Variants in CDH4 observed in about 807,000 individuals in gnomAD.
CDH4 encodes the protein cadherin-4.
In CDH4, 33 loss-of-function variants were observed where a neutral mutation model predicts 86.0. That is an observed-to-expected ratio of 0.38 (90% confidence interval 0.29 to 0.51). CDH4 has a LOEUF of 0.51. Among genes scored for constraint, CDH4 ranks in the 20% least tolerant of loss-of-function variants. The pLI is 0.86. For missense variants in CDH4, 1,114 were observed against 1,307.4 expected, an observed-to-expected ratio of 0.85 and a Z score of 2.28; for synonymous variants, 555 against 549.4, an observed-to-expected ratio of 1.01 and a Z score of -0.14.
intron 2 of CDH4, among the ~76,000 whole-genome samples, chr20:61,579,616 A>G (rs550683048): frequency 9.2e-5 from 14 of 152,158 alleles, no homozygotes; most frequent in South Asian, 8.3e-4. Flanking sequence ...CTACCCTTTT[A>G]GCGATTCCAG....
intron 8 of CDH4, among the ~76,000 whole-genome samples, chr20:61,898,232 T>A (rs1985224573): frequency 6.6e-6 from 1 of 152,264 alleles, no homozygotes; most frequent in South Asian, 2.1e-4. Flanking sequence ...AGGCTATTTT[T>A]ACCAAGCCTA....
chr20:61,447,042 G>C (rs1463487876), intron 2 of CDH4, among the ~76,000 whole-genome samples: 4 of 152,118 alleles, frequency 2.6e-5, no homozygotes, highest in African/African-American at 9.7e-5. Flanking sequence ...TTTCCAGTAT[G>C]ATTTGGAGGA....
intron 2 of CDH4, among the ~76,000 whole-genome samples, chr20:61,306,743 C>T (rs1288576201): frequency 6.6e-6 from 1 of 152,206 alleles, no homozygotes; most frequent in Non-Finnish European, 1.5e-5. Context: ...GGGCCAGCAC[C>T]GACCAGTCAA....
intron 2 of CDH4, among the ~76,000 whole-genome samples, chr20:61,665,492 T>C (rs928814637): frequency 2.0e-5 from 3 of 152,240 alleles, no homozygotes; most frequent in Admixed American, 6.5e-5. Context: ...CCTTTGAATT[T>C]GCAGAGTGCC....
chr20:61,909,731 C>T (rs551758169), intron 8 of CDH4, among the ~76,000 whole-genome samples: 9 of 152,236 alleles, frequency 5.9e-5, no homozygotes, highest in Non-Finnish European at 1.0e-4. Flanking sequence ...TTAGCTCCCA[C>T]CTGGATAATC....
At position 61,825,418 on chromosome 20, in the gene CDH4, T is replaced by C. The variant is rs1779960502; in HGVS notation, c.577-19250T>C. Among the ~76,000 whole-genome samples, 3 of 151,962 alleles carry C rather than the reference T, an allele frequency of 2.0e-5. No individual in the cohort carries two copies. The South Asian group carries it at 6.2e-4, about 32-fold the overall frequency. On this transcript the variant is annotated intron_variant, in intron 4 of 15. Coordinates refer to ENST00000614565, the MANE Select transcript of CDH4 (RefSeq NM_001794.5). ...CTCTGTCTCAAAAATAAACAAAAAC[T>C]ATAATAACACCAAAATAGACTGATA...
Position 61,619,303 on chromosome 20 carries a change from C to A in CDH4, c.170-124260C>A, listed in dbSNP as rs574688487. Reference sequence around the variant, plus strand: ...CTCTCTTCCACCTCCGCGTGCCCCCCACTCCTTCACCTCTGTGCTTCCTGC... The same window carrying A: ...CTCTCTTCCACCTCCGCGTGCCCCCAACTCCTTCACCTCTGTGCTTCCTGC... On this transcript the variant is annotated intron_variant, in intron 2 of 15. Coordinates refer to ENST00000614565, the MANE Select transcript of CDH4 (RefSeq NM_001794.5). 2.0e-5 allele frequency among the ~76,000 whole-genome samples: 3 copies of A among 152,362 alleles called. No individual in the cohort carries two copies. In the South Asian group the frequency reaches 6.2e-4, roughly 32 times the overall value.
At position 61,783,814 on chromosome 20, in the gene CDH4, GA is replaced by G. The variant is rs367597323; in HGVS notation, c.576+10635del. 1.3e-3 allele frequency among the ~76,000 whole-genome samples: 99 copies of G among 74,522 alleles called. 1 individual carries two copies. The highest frequency in any genetic ancestry group is 2.2e-3 in the South Asian group (4 of 1,818). The allele number at this position is 74,522 out of a possible 152,430, so 48.9% of individuals were successfully genotyped here. ...CCTCAGGTGTCTTGTGCCCCCAAGA[GA>G]AATGTAATCCCAGTTCCTCGGGACA... On this transcript the variant is annotated intron_variant, in intron 4 of 15. Coordinates refer to ENST00000614565, the MANE Select transcript of CDH4 (RefSeq NM_001794.5).
intron 2 of CDH4, among the ~76,000 whole-genome samples, chr20:61,288,740 G>A (rs1428775985): frequency 4.6e-5 from 7 of 152,256 alleles, no homozygotes; most frequent in African/African-American, 7.2e-5. Flanking sequence ...CCAGCGATTC[G>A]AGCACGCCTG....
At chr20:61,281,764 G>C (rs1317884078) in intron 2 of CDH4, among the ~76,000 whole-genome samples, 1 of 152,186 alleles carries the variant, frequency 6.6e-6, no homozygotes, top group African/African-American at 2.4e-5. Context: ...CCCCTGGAGG[G>C]GACGCACCCC....
At chr20:61,461,084 A>G (rs2145558672) in intron 2 of CDH4, among the ~76,000 whole-genome samples, 1 of 152,290 alleles carries the variant, frequency 6.6e-6, no homozygotes, top group East Asian at 1.9e-4. Context: ...GCATTTGTAG[A>G]AACACTGATC....
chr20:61,565,288 G>GCTC lies in CDH4; in HGVS notation c.170-178275_170-178274insCTC, dbSNP rs2086277728. ...GTGGTGGTCCTCTTGGTGATGGGGT[G>GCTC]ATGGTGGTGGCGGTGCTCTTGGTGG... On this transcript the variant is annotated intron_variant, in intron 2 of 15. Coordinates refer to ENST00000614565, the MANE Select transcript of CDH4 (RefSeq NM_001794.5). Among the ~76,000 whole-genome samples, 10 of 94,888 alleles carry GCTC rather than the reference G, an allele frequency of 1.1e-4. 2 individuals are homozygous for GCTC. Among genetic ancestry groups the GCTC allele is most frequent in the Non-Finnish European group, 1.8e-4 (8 of 45,694 alleles). The allele number at this position is 94,888 out of a possible 152,430, so 62.3% of individuals were successfully genotyped here.
At chr20:61,380,895 T>C (rs2084896940) in intron 2 of CDH4, among the ~76,000 whole-genome samples, 1 of 152,234 alleles carries the variant, frequency 6.6e-6, no homozygotes, top group African/African-American at 2.4e-5. Context: ...TCATCAGAAA[T>C]ACTCACCCTT....
intron 2 of CDH4, among the ~76,000 whole-genome samples, chr20:61,345,857 C>T (rs1206191149): frequency 6.6e-6 from 1 of 152,180 alleles, no homozygotes; most frequent in African/African-American, 2.4e-5. Flanking sequence ...AGAGGAGAGG[C>T]GCTCTCCAAG....
chr20:61,800,047 G>A (rs149309526), intron 4 of CDH4, among the ~76,000 whole-genome samples: 1,590 of 152,220 alleles, frequency 0.01, 21 homozygotes, highest in Middle Eastern at 0.02. Flanking sequence ...CGGCTTCCCC[G>A]CCTGTGCTTC....
At chr20:61,540,056 G>A (rs979251682) in intron 2 of CDH4, among the ~76,000 whole-genome samples, 2 of 152,210 alleles carry the variant, frequency 1.3e-5, no homozygotes, top group Non-Finnish European at 2.9e-5. Context: ...GTGGTCAGGT[G>A]TAGACCTGAG....
At chr20:61,916,731 C>T (rs1425666612) in intron 9 of CDH4, among the ~76,000 whole-genome samples, 2 of 152,234 alleles carry the variant, frequency 1.3e-5, no homozygotes, top group Non-Finnish European at 2.9e-5. Context: ...TCCCAACCTT[C>T]AGTAGTTTAT....
chr20:61,523,759 C>G (rs2085890449), intron 2 of CDH4, among the ~76,000 whole-genome samples: 1 of 152,228 alleles, frequency 6.6e-6, no homozygotes, highest in Non-Finnish European at 1.5e-5. Context: ...GTGTGGATAC[C>G]TTTGCATTCG....
rs550104850 is a variant in CDH4, at chr20:61,623,734, T to G, written c.170-119829T>G. Among the ~76,000 whole-genome samples, 2 of 152,140 alleles carry G rather than the reference T, an allele frequency of 1.3e-5. No homozygotes were observed. The highest frequency in any genetic ancestry group is 1.9e-4 in the East Asian group (1 of 5,140). On this transcript the variant is annotated intron_variant, in intron 2 of 15. Transcript: ENST00000614565. The surrounding 1 kb of genome is among the most constrained non-coding windows in gnomAD (Gnocchi z 4.4). ...TAGTGCATCACTGAGCGCAAAGTAT[T>G]TTTGCAATCAGAAAATAAAAGGTAC...
Sources: gnomAD v4.1 joint callset for allele counts (sites outside exome capture counted in the v4.1 genomes callset) on GRCh38, gnomAD v4.1.1 for gene constraint, Gnocchi (gnomAD v3.1) non-coding constraint, MANE v1.5 for transcripts, NCBI Gene and HGNC (gene_info 2026-07-23, HGNC 2026-07-21) for gene names.